The following LIPA variants were observed in gnomAD, a reference collection of about 807,000 sequenced individuals.
LIPA encodes the protein lipase A, lysosomal acid type, also known as lysosomal acid lipase/cholesteryl ester hydrolase.
Under a neutral mutation model 40.6 loss-of-function variants are expected in LIPA, and 26 were observed. The observed-to-expected ratio is 0.64, with a 90% CI of 0.47 to 0.89. The LOEUF is 0.89. Among genes scored for constraint, LIPA ranks in the 40% least tolerant of loss-of-function variants. LIPA has a pLI of 0.00. For missense variants in LIPA, 455 were observed against 479.6 expected, an observed-to-expected ratio of 0.95 and a Z score of 0.48; for synonymous variants, 188 against 168.4, an observed-to-expected ratio of 1.12 and a Z score of -0.90.
intron 1 of LIPA, among the ~76,000 whole-genome samples, chr10:89,289,690 G>A (rs778476348): frequency 1.8e-4 from 28 of 152,112 alleles, no homozygotes; most frequent in Non-Finnish European, 3.1e-4. Context: ...ATTCAGTGGC[G>A]CCTGGTTTTA....
At position 89,260,365 on chromosome 10, in the gene LIPA, C is replaced by G. The variant is rs369091051; in HGVS notation, c.-1-12716G>C. ...GCAGATTCCGAGCTGAACAAGGATACCTGGCTCCTGCCCTCAGTGCATAGT... is the reference window on the plus strand; with the variant it reads ...GCAGATTCCGAGCTGAACAAGGATAGCTGGCTCCTGCCCTCAGTGCATAGT... On this transcript the variant is annotated intron_variant, in intron 1 of 5. Transcript: ENST00000282673. Among the ~76,000 whole-genome samples the G allele has an allele frequency of 2.3e-3, 351 of 152,314 alleles. 1 individual carries two copies. Among genetic ancestry groups the G allele is most frequent in the African/African-American group, 8.1e-3 (335 of 41,568 alleles).
intron 3 of LIPA, 146 bp from the exon 4 acceptor site, chr10:89,228,544 A>T: frequency 1.3e-6 from 1 of 765,694 alleles, no homozygotes; most frequent in East Asian, 2.7e-5. Context: ...ATGTACTCAC[A>T]TATAATGTTA....
At chr10:89,320,958 G>A (rs1843568525) in intron 1 of LIPA, among the ~76,000 whole-genome samples, 2 of 151,950 alleles carry the variant, frequency 1.3e-5, no homozygotes, top group African/African-American at 4.8e-5. Flanking sequence ...ACAAAAACAA[G>A]CAATGGGGAA....
At chr10:89,390,972 A>G (rs1449472542) in intron 2 of LIPA, among the ~76,000 whole-genome samples, 1 of 152,196 alleles carries the variant, frequency 6.6e-6, no homozygotes, top group Non-Finnish European at 1.5e-5. Context: ...ATTAATTCAG[A>G]AATTCTTATT....
At chr10:89,255,546 G>A (rs1003505648), upstream of LIPA, among the ~76,000 whole-genome samples, 1 of 152,220 alleles carries the variant, frequency 6.6e-6, no homozygotes, top group African/African-American at 2.4e-5. Context: ...GTCCAAGTGA[G>A]AGTTAATAAT....
intron 2 of LIPA, among the ~76,000 whole-genome samples, chr10:89,380,911 A>G (rs1232622706): frequency 6.6e-6 from 1 of 152,198 alleles, no homozygotes; most frequent in Non-Finnish European, 1.5e-5. Flanking sequence ...TTGATGAACA[A>G]CCACCTATAA....
chr10:89,378,157 C>T, intron 2 of LIPA: 1 of 1,613,302 alleles, frequency 6.2e-7, no homozygotes, highest in Non-Finnish European at 8.5e-7. Context: ...TCTTTCTCTG[C>T]TTCACTGACC....
chr10:89,291,055 A>G (rs571570819), intron 1 of LIPA, among the ~76,000 whole-genome samples: 7 of 152,290 alleles, frequency 4.6e-5, no homozygotes, highest in Admixed American at 4.6e-4. Flanking sequence ...TCATAATAAT[A>G]TTGCAAAATA....
intron 1 of LIPA, among the ~76,000 whole-genome samples, chr10:89,316,076 A>G (rs141449760): frequency 5.1e-4 from 78 of 152,306 alleles, no homozygotes; most frequent in South Asian, 1.4e-3. Flanking sequence ...TCCTAGAGAC[A>G]TTATTAAAAA....
intron 2 of LIPA, chr10:89,403,122 A>G: frequency 6.2e-7 from 1 of 1,614,152 alleles, no homozygotes; most frequent in Non-Finnish European, 8.5e-7. Flanking sequence ...GGAAACACCC[A>G]CTTCTGTCTT....
At chr10:89,344,996 G>A (rs1278059968), upstream of LIPA, among the ~76,000 whole-genome samples, 3 of 148,528 alleles carry the variant, frequency 2.0e-5, no homozygotes, top group Non-Finnish European at 4.5e-5. Context: ...GTAGAACCCG[G>A]TTTCTACTAA....
chr10:89,296,811 T>C (rs1843418017), intron 1 of LIPA, among the ~76,000 whole-genome samples: 1 of 152,216 alleles, frequency 6.6e-6, no homozygotes, highest in Non-Finnish European at 1.5e-5. Context: ...CTTTTGGGCC[T>C]ATATACATGA....
intron 2 of LIPA, chr10:89,384,932 T>C (rs1844194449): frequency 1.8e-6 from 1 of 555,766 alleles, no homozygotes; most frequent in South Asian, 2.5e-5. Context: ...GGAAAGGCCT[T>C]GTGGCACCAG....
At chr10:89,254,956 A>G (rs892196742), upstream of LIPA, among the ~76,000 whole-genome samples, 6 of 152,138 alleles carry the variant, frequency 3.9e-5, no homozygotes, top group Admixed American at 1.3e-4. Context: ...CTCAGCCTGG[A>G]TTTCATTGTC....
chr10:89,225,505 G>C (rs141627016), intron 5 of LIPA, among the ~76,000 whole-genome samples: 1 of 152,220 alleles, frequency 6.6e-6, no homozygotes, highest in Non-Finnish European at 1.5e-5. Context: ...GGGAGAATCA[G>C]AAAATCTTCC....
chr10:89,221,221 T>A (rs7910150), intron 8 of LIPA, among the ~76,000 whole-genome samples: 70,868 of 151,082 alleles, frequency 0.47, 17,062 homozygotes, highest in East Asian at 0.78. Flanking sequence ...CAATAAAAAA[T>A]TTTTTTTTAA....
intron 1 of LIPA, among the ~76,000 whole-genome samples, chr10:89,263,679 G>A (rs1843221436): frequency 6.6e-6 from 1 of 152,252 alleles, no homozygotes; most frequent in South Asian, 2.1e-4. Flanking sequence ...AAGCCTGTGT[G>A]GCTGTTGGCA....
Position 89,307,464 on chromosome 10 carries a change from G to A in LIPA, c.-2+35147C>T, listed in dbSNP as rs910487648. 7 of 1,060,886 alleles carry A rather than the reference G, an allele frequency of 6.6e-6. No individual in the cohort carries two copies. In the African/African-American group the frequency reaches 1.1e-4, roughly 17 times the overall value. The allele number at this position is 1,060,886 out of a possible 1,614,324, so 65.7% of individuals were successfully genotyped here. A position where few individuals can be genotyped will look rare whatever the true frequency, so the allele number is the denominator to read the frequency against. ...TGGTATTCAAAATATGTAATGACTG[G>A]TATGGCAAAAGATTGGACTAAGACA... On this transcript the variant is annotated intron_variant, in intron 1 of 5. Coordinates refer to the LIPA transcript ENST00000282673.
In LIPA at chr10:89,374,396, C is replaced by G. The variant is rs74146917; in HGVS notation, c.61+38395G>C. ...TGTTGGCTGTTTCCTTATTGTTGCT[C>G]TGTCCTGTGTGGTTCATGGCTGTAT... is the stretch of plus-strand genomic sequence containing the variant. On this transcript the variant is annotated intron_variant, in intron 2 of 8. Coordinates refer to the LIPA transcript ENST00000371837. Among the ~76,000 whole-genome samples, 1,373 of 152,196 alleles carry G rather than the reference C, an allele frequency of 9.0e-3. 21 individuals are homozygous for G. The highest frequency in any genetic ancestry group is 0.032 in the African/African-American group (1,318 of 41,502).
Sources: gnomAD v4.1 joint callset for allele counts (sites outside exome capture counted in the v4.1 genomes callset) on GRCh38, gnomAD v4.1.1 for gene constraint, MANE v1.5 for transcripts, NCBI Gene and HGNC (gene_info 2026-07-23, HGNC 2026-07-21) for gene names.